The following C15orf39 variants were observed in gnomAD, a reference collection of about 807,000 sequenced individuals.
C15orf39 encodes the protein uncharacterized protein C15orf39.
C15orf39 carries 24 observed loss-of-function variants against 53.9 expected under a neutral mutation model. The ratio of observed to expected loss-of-function variants is 0.45; its 90% CI spans 0.32 to 0.63. C15orf39 has a LOEUF of 0.63. C15orf39 is among the 20% of genes least tolerant of loss of function. The probability of loss-of-function intolerance (pLI) is 0.04; values close to 1 mark genes in which losing one functional copy is unlikely to be tolerated. For synonymous variants in C15orf39, 569 were observed against 576.5 expected (o/e 0.99, Z 0.19); for missense variants, 1,271 against 1,347.9 (o/e 0.94, Z 0.89).
At chr15:75,200,392 C>T (rs2070393384), upstream of C15orf39, among the ~76,000 whole-genome samples, 1 of 152,150 alleles carries the variant, frequency 6.6e-6, no homozygotes, top group African/African-American at 2.4e-5. Context: ...TTGGAGAGAC[C>T]ACTGGGCACA....
Position 75,208,676 on chromosome 15 carries a change from C to A in C15orf39, c.2628C>A (p.Thr876=). The A allele has an allele frequency of 6.2e-7, 1 of 1,607,696 alleles. No individual in the cohort carries two copies. Among genetic ancestry groups the A allele is most frequent in the Non-Finnish European group, 8.5e-7 (1 of 1,178,892 alleles). ...LQEHRVELRP[T]TLSEERALRE... ...AGCATCGTGTGGAGCTGCGGCCCAC[C>A]ACGCTGTCGGAGGAGCGGGCACTGC... Residue 876 remains threonine (T), a synonymous_variant, in exon 2 of 3, where the codon ACC becomes ACA. Coordinates refer to ENST00000394987, the MANE Select transcript of C15orf39 (RefSeq NM_015492.5).
rs1181596213 is a variant in C15orf39, at chr15:75,206,269, C to G, written c.221C>G (p.Ser74Cys). 1 of 1,614,112 alleles carries G rather than the reference C, an allele frequency of 6.2e-7. No homozygotes were observed. Among genetic ancestry groups the G allele is most frequent in the African/African-American group, 1.3e-5 (1 of 75,026 alleles). ...ASWTPYPPLY[S>C]TGMAGPPLQA... The stretch of plus-strand genomic sequence containing the variant: ...TGGACCCCATACCCACCCTTGTACT[C>G]TACCGGTATGGCAGGACCCCCACTT... Residue 74 changes from serine to cysteine, a missense_variant, in exon 2 of 3, where the codon TCT becomes TGT. By Grantham distance (112) the Ser-to-Cys change is moderately radical (BLOSUM62 -1). Around this residue, in one of 2 missense-constraint regions of C15orf39, gnomAD observed 994 missense variants for 993.7 expected, o/e 1.00. Coordinates refer to ENST00000394987, the MANE Select transcript of C15orf39 (RefSeq NM_015492.5).
At chr15:75,204,758 C>T (rs1232927903) in intron 1 of C15orf39, among the ~76,000 whole-genome samples, 1 of 152,232 alleles carries the variant, frequency 6.6e-6, no homozygotes, top group Non-Finnish European at 1.5e-5. Context: ...GATCCGCACA[C>T]CTCGGCTTCC....
Position 75,201,886 on chromosome 15 carries a change from G to T in C15orf39, c.-224G>T, listed in dbSNP as rs930074418. On this transcript the variant is annotated 5_prime_UTR_variant, in exon 1 of 3. Coordinates refer to ENST00000394987, the MANE Select transcript of C15orf39 (RefSeq NM_015492.5). The surrounding 1 kb of genome is among the most constrained non-coding windows in gnomAD (Gnocchi z 4.7). Reference sequence around the variant, plus strand: ...GCCCGCCCCGCCCGGGACCGCAGACGGCGCCCAGCGGCGGCGCGAACGGCA... The same window carrying T: ...GCCCGCCCCGCCCGGGACCGCAGACTGCGCCCAGCGGCGGCGCGAACGGCA... 6.6e-6 allele frequency: 1 copy of T among 151,322 alleles called. No individual in the cohort carries two copies. The highest frequency in any genetic ancestry group is 2.4e-5 in the African/African-American group (1 of 41,336). The allele number at this position is 151,322 out of a possible 1,614,324, so 9.4% of individuals were successfully genotyped here. A position where few individuals can be genotyped will look rare whatever the true frequency, so the allele number is the denominator to read the frequency against.
In C15orf39 at chr15:75,207,033, G is replaced by A. The variant is rs111653297; in HGVS notation, c.985G>A (p.Ala329Thr). 1.2e-5 allele frequency: 19 copies of A among 1,606,872 alleles called. No homozygotes were observed. The highest frequency in any genetic ancestry group is 8.0e-5 in the African/African-American group (6 of 74,904). ...GGGCAGCCCCTACCTGAGGCAGCAG[G>A]CAGCCCAGGCACCTTACATTCCCCC... ...GLGSPYLRQQ[A>T]AQAPYIPPLG... Residue 329 changes from alanine to threonine, a missense_variant, in exon 2 of 3, where the codon GCA becomes ACA. Ala to Thr is a moderately conservative substitution (Grantham distance 58, BLOSUM62 0). Transcript: ENST00000394987.
At position 75,210,637 on chromosome 15, in the gene C15orf39, A is replaced by G. The variant is rs529034390; in HGVS notation, c.2777-112A>G. The stretch of plus-strand genomic sequence containing the variant: ...TGGGCATGTGTGGGGAAGAGTTGTG[A>G]TGCCAGCCTGACTTGGGGCAGAGCA... On this transcript the variant is annotated intron_variant, in intron 2 of 2. Transcript: ENST00000394987. The G allele has an allele frequency of 4.8e-6, 7 of 1,446,008 alleles. No homozygotes were observed. In the African/African-American group the frequency reaches 7.1e-5, roughly 15 times the overall value. The allele number at this position is 1,446,008 out of a possible 1,614,324, so 89.6% of individuals were successfully genotyped here.
chr15:75,207,929 C>T lies in C15orf39; in HGVS notation c.1881C>T (p.Gly627=), dbSNP rs1352004926. The T allele has an allele frequency of 6.2e-7, 1 of 1,613,802 alleles. No individual in the cohort carries two copies. Among genetic ancestry groups the T allele is most frequent in the Non-Finnish European group, 8.5e-7 (1 of 1,180,032 alleles). ...GLKKIDTEAP[G]LPGVPVTTDA... ...AAAAGATAGACACAGAAGCACCAGGCTTGCCTGGGGTGCCAGTGACCACAG... is the reference window on the plus strand; with the variant it reads ...AAAAGATAGACACAGAAGCACCAGGTTTGCCTGGGGTGCCAGTGACCACAG... The change falls in exon 2 of 3, where the codon GGC becomes GGT. Residue 627 remains glycine, a synonymous_variant. Coordinates refer to ENST00000394987, the MANE Select transcript of C15orf39 (RefSeq NM_015492.5).
At position 75,208,494 on chromosome 15, in the gene C15orf39, G is replaced by A. The variant is rs770296040; in HGVS notation, c.2446G>A (p.Ala816Thr). The A allele has an allele frequency of 1.1e-5, 17 of 1,594,114 alleles. No homozygotes were observed. The highest frequency in any genetic ancestry group is 1.4e-5 in the Non-Finnish European group (17 of 1,173,650). Residue 816 changes from alanine to threonine, a missense_variant, in exon 2 of 3, where the codon GCC (alanine) becomes ACC (threonine). Transcript: ENST00000394987. ...QDCQGVQGLL[A>T]KLLSQLQRFD... ...CTGCCAGGGTGTGCAGGGGCTGCTG[G>A]CCAAGCTGCTGTCTCAGCTGCAGCG...
rs201803076 is a variant in C15orf39 at position 75,210,890 on chromosome 15, C to G, written c.2918C>G (p.Pro973Arg). The G allele has an allele frequency of 6.8e-6, 11 of 1,613,754 alleles. No individual in the cohort carries two copies. Among genetic ancestry groups the G allele is most frequent in the Admixed American group, 1.7e-5 (1 of 60,020 alleles). The change falls in exon 3 of 3, where the codon CCG becomes CGG. Residue 973 changes from proline (P) to arginine (R), a missense_variant. Pro to Arg is a moderately radical substitution (Grantham distance 103). Transcript: ENST00000394987. ...KPGRKPPTPG[P>R]EKAEAAAGEE... Reference sequence around the variant, plus strand: ...GGCAGGAAGCCACCAACCCCTGGCCCGGAGAAAGCAGAGGCAGCTGCTGGG... The same window carrying G: ...GGCAGGAAGCCACCAACCCCTGGCCGGGAGAAAGCAGAGGCAGCTGCTGGG...
Position 75,206,905 on chromosome 15 carries a change from C to G in C15orf39, c.857C>G (p.Pro286Arg). The G allele has an allele frequency of 6.6e-7, 1 of 1,515,780 alleles. No homozygotes were observed. Among genetic ancestry groups the G allele is most frequent in the Non-Finnish European group, 8.8e-7 (1 of 1,133,500 alleles). 93.9% of individuals were successfully genotyped at this position (1,515,780 alleles called of 1,614,324 possible). Residue 286 changes from proline to arginine, a missense_variant, in exon 2 of 3, where the codon CCT becomes CGT. Around this residue, in one of 2 missense-constraint regions of C15orf39, gnomAD observed 994 missense variants for 993.7 expected, o/e 1.00. Transcript: ENST00000394987. ...CACCCTCCACAGGCCCTGCCTTGCC[C>G]TCCAGCCTGTCGCCACCCAGAGAAG... ...PPHPPQALPC[P>R]PACRHPEKQG... is the part of the protein sequence containing the mutation.
In C15orf39 at chr15:75,207,104, A is replaced by T; in HGVS notation, c.1056A>T (p.Ala352=). The T allele has an allele frequency of 6.2e-7, 1 of 1,612,394 alleles. No homozygotes were observed. Among genetic ancestry groups the T allele is most frequent in the South Asian group, 1.1e-5 (1 of 90,994 alleles). The part of the protein sequence containing the change: ...AYPYPSAPLP[A]PSPGLKLEPP... The stretch of plus-strand genomic sequence containing the variant: ...CCTACCCCTCTGCCCCTCTCCCAGC[A>T]CCCTCTCCAGGCCTCAAGCTGGAGC... The change falls in exon 2 of 3, where the codon GCA becomes GCT. Residue 352 remains alanine (A), a synonymous_variant. Coordinates refer to ENST00000394987, the MANE Select transcript of C15orf39 (RefSeq NM_015492.5).
At chr15:75,201,879 C>T (rs909582429), upstream of C15orf39, 29 of 151,946 alleles carry the variant, frequency 1.9e-4, no homozygotes, top group Non-Finnish European at 5.9e-5. This position sits in a 1 kb window ranked among gnomAD's most constrained non-coding sequence, Gnocchi z 4.7. Context: ...CGCCCGGGAC[C>T]GCAGACGGCG....
At position 75,207,408 on chromosome 15, in the gene C15orf39, C is replaced by G. The variant is rs376778992; in HGVS notation, c.1360C>G (p.Leu454Val). ...SCRKEKLQPR[L>V]SEHSGPPIVI... ...CAGGAAAGAGAAGCTCCAGCCCCGG[C>G]TCAGTGAGCACTCTGGGCCGCCCAT... is the stretch of plus-strand genomic sequence containing the variant. Residue 454 changes from leucine to valine, a missense_variant, in exon 2 of 3, where the codon CTC (leucine) becomes GTC (valine). This residue lies in a region of C15orf39 where 994 missense variants were observed against 993.7 expected (regional missense o/e 1.00). Transcript: ENST00000394987. 2 of 1,613,454 alleles carry G rather than the reference C, an allele frequency of 1.2e-6. No individual in the cohort carries two copies. Among genetic ancestry groups the G allele is most frequent in the East Asian group, 4.5e-5 (2 of 44,876 alleles).
At chr15:75,199,951 T>C (rs2070391048), upstream of C15orf39, among the ~76,000 whole-genome samples, 1 of 152,190 alleles carries the variant, frequency 6.6e-6, no homozygotes, top group Non-Finnish European at 1.5e-5. Flanking sequence ...CTTCATTCTC[T>C]ATAGGCTCCA....
chr15:75,207,429 C>T lies in C15orf39; in HGVS notation c.1381C>T (p.Pro461Ser). The T allele has an allele frequency of 6.2e-7, 1 of 1,613,500 alleles. No individual in the cohort carries two copies. The highest frequency in any genetic ancestry group is 8.5e-7 in the Non-Finnish European group (1 of 1,180,006). Residue 461 changes from proline (P) to serine (S), a missense_variant, in exon 2 of 3, where the codon CCC becomes TCC. Around this residue, in one of 2 missense-constraint regions of C15orf39, gnomAD observed 994 missense variants for 993.7 expected, o/e 1.00. Coordinates refer to ENST00000394987, the MANE Select transcript of C15orf39 (RefSeq NM_015492.5). ...QPRLSEHSGPPIVIRDSPVPC... is the reference protein window; with the variant it reads ...QPRLSEHSGPSIVIRDSPVPC... Reference sequence around the variant, plus strand: ...CCGGCTCAGTGAGCACTCTGGGCCGCCCATCGTCATCCGAGACAGTCCAGT... The same window carrying T: ...CCGGCTCAGTGAGCACTCTGGGCCGTCCATCGTCATCCGAGACAGTCCAGT...
upstream of C15orf39, among the ~76,000 whole-genome samples, chr15:75,201,457 T>C (rs1487952335): frequency 6.6e-6 from 1 of 152,144 alleles, no homozygotes; most frequent in Admixed American, 6.5e-5. The surrounding 1 kb of genome is among the most constrained non-coding windows in gnomAD (Gnocchi z 4.7). Context: ...CCTAATACAC[T>C]AGTGCTGGAC....
Position 75,207,365 on chromosome 15 carries a change from G to T in C15orf39, c.1317G>T (p.Lys439Asn), listed in dbSNP as rs2070448169. The change falls in exon 2 of 3, where the codon AAG becomes AAT. Residue 439 changes from lysine to asparagine, a missense_variant. Lys to Asn is a moderately conservative substitution (Grantham distance 94, BLOSUM62 0). Transcript: ENST00000394987. ...GGCCTGCACAGGAAGCCGAAGAGAA[G>T]ACCTGGCTGCCCAGCTGCAGGAAAG... ...PVRPAQEAEE[K>N]TWLPSCRKEK... 1 of 1,613,414 alleles carries T rather than the reference G, an allele frequency of 6.2e-7. No homozygotes were observed. The highest frequency in any genetic ancestry group is 1.3e-5 in the African/African-American group (1 of 75,034).
chr15:75,208,270 C>G lies in C15orf39; in HGVS notation c.2222C>G (p.Pro741Arg), dbSNP rs1595956095. Reference sequence around the variant, plus strand: ...CAGGCTCCAGCTTCAGCCCGGGATCCAGCTCCAGCTCCAGCTCCAGTTGCA... The same window carrying G: ...CAGGCTCCAGCTTCAGCCCGGGATCGAGCTCCAGCTCCAGCTCCAGTTGCA... ...RAQAPASARD[P>R]APAPAPVAGP... The change falls in exon 2 of 3, where the codon CCA (proline) becomes CGA (arginine). Residue 741 changes from proline to arginine, a missense_variant. Pro to Arg is a moderately radical substitution (Grantham distance 103). Around this residue, in one of 2 missense-constraint regions of C15orf39, gnomAD observed 994 missense variants for 993.7 expected, o/e 1.00. Transcript: ENST00000394987. 1.3e-6 allele frequency: 2 copies of G among 1,581,382 alleles called. No homozygotes were observed. Among genetic ancestry groups the G allele is most frequent in the African/African-American group, 2.7e-5 (2 of 74,172 alleles).
At position 75,207,888 on chromosome 15, in the gene C15orf39, G is replaced by A; in HGVS notation, c.1840G>A (p.Asp614Asn). 1 of 1,613,692 alleles carries A rather than the reference G, an allele frequency of 6.2e-7. No individual in the cohort carries two copies. The highest frequency in any genetic ancestry group is 8.5e-7 in the Non-Finnish European group (1 of 1,180,020). Reference sequence around the variant, plus strand: ...GCCAGATGTGGGCAACATGGTGTCAGATCTGCCAGGCCTGAAAAAGATAGA... The same window carrying A: ...GCCAGATGTGGGCAACATGGTGTCAAATCTGCCAGGCCTGAAAAAGATAGA... Reference protein sequence around the residue: ...DVPDVGNMVSDLPGLKKIDTE... With the variant: ...DVPDVGNMVSNLPGLKKIDTE... The change falls in exon 2 of 3, where the codon GAT becomes AAT. Residue 614 changes from aspartate to asparagine, a missense_variant. This residue lies in a region of C15orf39 where 994 missense variants were observed against 993.7 expected (regional missense o/e 1.00). Coordinates refer to ENST00000394987, the MANE Select transcript of C15orf39 (RefSeq NM_015492.5).
Sources: gnomAD v4.1 joint callset for allele counts (sites outside exome capture counted in the v4.1 genomes callset) on GRCh38, gnomAD v4.1.1 for gene constraint, gnomAD v4.1.1 regional missense constraint, Gnocchi (gnomAD v3.1) non-coding constraint, MANE v1.5 for transcripts, NCBI Gene and HGNC (gene_info 2026-07-23, HGNC 2026-07-21) for gene names.